OSMR: variants seen among roughly 807,000 people sequenced by gnomAD.
The protein encoded by OSMR is oncostatin M receptor.
A neutral mutation model predicts 99.9 loss-of-function variants in OSMR; 81 were observed. The observed-to-expected ratio is 0.81, with a 90% CI of 0.68 to 0.97. OSMR has a LOEUF of 0.97. Among genes scored for constraint, OSMR ranks in the 50% least tolerant of loss-of-function variants. The pLI, the probability that OSMR is intolerant of heterozygous loss-of-function variation, is 0.00. For synonymous variants in OSMR, 406 were observed against 410.4 expected (o/e 0.99, Z 0.13); for missense variants, 1,099 against 1,153.4 (o/e 0.95, Z 0.68).
intron 1 of OSMR, among the ~76,000 whole-genome samples, chr5:38,859,709 A>G (rs1214256934): frequency 6.6e-6 from 1 of 151,168 alleles, no homozygotes; most frequent in Non-Finnish European, 1.5e-5. Flanking sequence ...TTTTAACAAT[A>G]TTATTTCTTC....
intron 7 of OSMR, among the ~76,000 whole-genome samples, chr5:38,903,362 A>G (rs1014446241): frequency 5.9e-5 from 9 of 152,170 alleles, no homozygotes; most frequent in African/African-American, 1.9e-4. Context: ...AGAAGCATCC[A>G]TCCTGGATTT....
rs1161681131 is a variant in OSMR, at chr5:38,934,195, G to T, written c.*751G>T. 2.0e-5 allele frequency: 3 copies of T among 152,534 alleles called. No individual in the cohort carries two copies. Among genetic ancestry groups the T allele is most frequent in the Non-Finnish European group, 4.4e-5 (3 of 68,030 alleles). The allele number at this position is 152,534 out of a possible 1,614,324, so 9.4% of individuals were successfully genotyped here. On this transcript the variant is annotated 3_prime_UTR_variant, in exon 18 of 18. Coordinates refer to ENST00000274276, the MANE Select transcript of OSMR (RefSeq NM_003999.3). Reference sequence around the variant, plus strand: ...ACATCAGTATTCTGCCATCATTTTTGATGACTACCTCAGAACATAAAAAGG... The same window carrying T: ...ACATCAGTATTCTGCCATCATTTTTTATGACTACCTCAGAACATAAAAAGG...
chr5:38,889,244 ATTTG>A (rs1202318473), intron 7 of OSMR, among the ~76,000 whole-genome samples: 1 of 151,980 alleles, frequency 6.6e-6, no homozygotes, highest in African/African-American at 2.4e-5. Flanking sequence ...AGTTTTTGGT[ATTTG>A]TTTGGCCGCC....
At chr5:38,892,889 A>C (rs376786703) in intron 7 of OSMR, among the ~76,000 whole-genome samples, 1 of 148,858 alleles carries the variant, frequency 6.7e-6, no homozygotes, top group Non-Finnish European at 1.5e-5. Flanking sequence ...ACAGAGACCT[A>C]AGTGCACTTA....
exon 3 of OSMR, chr5:38,945,091 C>A: frequency 6.5e-7 from 1 of 1,535,694 alleles, no homozygotes; most frequent in Non-Finnish European, 8.9e-7. Flanking sequence ...ATAATTATTT[C>A]AATTAAAGCA....
At chr5:38,920,284 T>A (rs1746169214) in intron 11 of OSMR, among the ~76,000 whole-genome samples, 1 of 152,242 alleles carries the variant, frequency 6.6e-6, no homozygotes, top group Admixed American at 6.5e-5. Context: ...GTCACTCATG[T>A]ACTATGAGAA....
At chr5:38,919,298 T>C in intron 11 of OSMR, 1 of 1,484,022 alleles carries the variant, frequency 6.7e-7, no homozygotes, top group East Asian at 2.8e-5. Context: ...CAGGGGATTC[T>C]TCAACATACA....
intron 11 of OSMR, 70 bp downstream of exon 11, chr5:38,919,132 T>C: frequency 1.3e-6 from 2 of 1,575,906 alleles, no homozygotes; most frequent in Non-Finnish European, 1.7e-6. Flanking sequence ...TAAGTAGTGA[T>C]GGATAAATTG....
intron 4 of OSMR, among the ~76,000 whole-genome samples, chr5:38,882,745 A>G (rs1743393735): frequency 6.6e-6 from 1 of 152,230 alleles, no homozygotes; most frequent in South Asian, 2.1e-4. Flanking sequence ...ATGAGATAAT[A>G]ATAATTGAAT....
chr5:38,944,317 C>T, exon 2 of OSMR: 2 of 899,930 alleles, frequency 2.2e-6, no homozygotes, highest in Non-Finnish European at 3.6e-6. Context: ...TAGCCTCACA[C>T]AGGTATGCAA....
At chr5:38,868,600 ACCT>A (rs1742128619) in intron 1 of OSMR, among the ~76,000 whole-genome samples, 1 of 151,696 alleles carries the variant, frequency 6.6e-6, no homozygotes, top group African/African-American at 2.4e-5. Context: ...AGTACTTTTC[ACCT>A]CCTGCCATGA....
At chr5:38,859,356 G>A (rs1461674180) in intron 1 of OSMR, among the ~76,000 whole-genome samples, 1 of 152,102 alleles carries the variant, frequency 6.6e-6, no homozygotes, top group Non-Finnish European at 1.5e-5. Flanking sequence ...CGAAGAGTAT[G>A]TCCTTTCCCC....
At chr5:38,926,788 C>T (rs188397264) in intron 15 of OSMR, among the ~76,000 whole-genome samples, 81 of 152,290 alleles carry the variant, frequency 5.3e-4, no homozygotes, top group African/African-American at 1.9e-3. Flanking sequence ...CAACAGTCCC[C>T]CAAGGTCTTA....
At chr5:38,925,032 AC>A in intron 14 of OSMR, 171 bp from the exon 15 acceptor site, 1 of 978,640 alleles carries the variant, frequency 1.0e-6, no homozygotes, top group Non-Finnish European at 1.2e-6. Context: ...TGACCATTTT[AC>A]CTGGTGTGCC....
At position 38,922,162 on chromosome 5, in the gene OSMR, C is replaced by G. The variant is rs78343804; in HGVS notation, c.1765+368C>G. On this transcript the variant is annotated intron_variant, in intron 12 of 17. Coordinates refer to ENST00000274276, the MANE Select transcript of OSMR (RefSeq NM_003999.3). ...TTTAGGACATATAGTTGATGAGAATCGATCATCAACTTCAGTTTCAATAGA... is the reference window on the plus strand; with the variant it reads ...TTTAGGACATATAGTTGATGAGAATGGATCATCAACTTCAGTTTCAATAGA... 3.2e-4 allele frequency among the ~76,000 whole-genome samples: 49 copies of G among 152,240 alleles called. 1 individual carries two copies. The South Asian group carries it at 1.0e-2, about 31-fold the overall frequency.
At chr5:38,889,205 T>C (rs1420043808) in intron 7 of OSMR, among the ~76,000 whole-genome samples, 1 of 152,112 alleles carries the variant, frequency 6.6e-6, no homozygotes. Flanking sequence ...ATCAAATATT[T>C]TTTTAATTCA....
At chr5:38,924,080 C>T (rs1746359199) in intron 13 of OSMR, among the ~76,000 whole-genome samples, 1 of 152,178 alleles carries the variant, frequency 6.6e-6, no homozygotes, top group Non-Finnish European at 1.5e-5. Flanking sequence ...TCCTCAAACA[C>T]TGTTTTGAAT....
At chr5:38,866,073 T>TG (rs1471510474) in intron 1 of OSMR, among the ~76,000 whole-genome samples, 1 of 152,174 alleles carries the variant, frequency 6.6e-6, no homozygotes, top group Admixed American at 6.5e-5. Flanking sequence ...ACCAGCAGGC[T>TG]GGGGGAGGCC....
chr5:38,906,493 AG>A (rs1457250881), intron 9 of OSMR, among the ~76,000 whole-genome samples: 7 of 152,242 alleles, frequency 4.6e-5, no homozygotes, highest in Non-Finnish European at 1.0e-4. Flanking sequence ...TATAAAATAT[AG>A]TGCTATCAAC....
Sources: gnomAD v4.1 joint callset for allele counts (sites outside exome capture counted in the v4.1 genomes callset) on GRCh38, gnomAD v4.1.1 for gene constraint, MANE v1.5 for transcripts, NCBI Gene and HGNC (gene_info 2026-07-23, HGNC 2026-07-21) for gene names.